RELL1: variants seen among roughly 807,000 people sequenced by gnomAD.
The protein encoded by RELL1 is RELT like 1, also known as RELT-like protein 1.
A neutral mutation model predicts 23.0 loss-of-function variants in RELL1; 10 were observed. The observed-to-expected ratio is 0.43, with a 90% CI of 0.27 to 0.74. RELL1 has a LOEUF of 0.74. Among genes scored for constraint, RELL1 ranks in the 30% least tolerant of loss-of-function variants. The probability of loss-of-function intolerance (pLI) is 0.19; values close to 1 mark genes in which losing one functional copy is unlikely to be tolerated. For missense variants in RELL1, 315 were observed against 364.4 expected, an observed-to-expected ratio of 0.86 and a Z score of 1.10; for synonymous variants, 146 against 146.8, an observed-to-expected ratio of 0.99 and a Z score of 0.04.
chr4:37,669,051 A>G (rs1577604526), intron 1 of RELL1, among the ~76,000 whole-genome samples: 1 of 101,682 alleles, frequency 9.8e-6, no homozygotes, highest in Non-Finnish European at 1.8e-5. Context: ...TCCGGGAGGG[A>G]GGTGGGGGGG....
intron 1 of RELL1, among the ~76,000 whole-genome samples, chr4:37,666,176 G>A (rs143245098): frequency 6.6e-6 from 1 of 152,174 alleles, no homozygotes; most frequent in African/African-American, 2.4e-5. Context: ...TGAGATAGGT[G>A]TTAATATTAA....
At chr4:37,592,078 GGCGCCTGTAATCCCA>G (rs1232497047) in intron 6 of RELL1, among the ~76,000 whole-genome samples, 1 of 151,808 alleles carries the variant, frequency 6.6e-6, no homozygotes, top group African/African-American at 2.4e-5. Context: ...CACGGTGGCG[GGCGCCTGTAATCCCA>G]GCTACTTGGG....
intron 1 of RELL1, among the ~76,000 whole-genome samples, chr4:37,677,008 A>G (rs1340691507): frequency 1.3e-5 from 2 of 152,162 alleles, no homozygotes; most frequent in Non-Finnish European, 2.9e-5. Context: ...AGGACACCGA[A>G]CCTTTCTGGG....
At chr4:37,642,040 C>A (rs1331378539) in intron 3 of RELL1, among the ~76,000 whole-genome samples, 1 of 152,160 alleles carries the variant, frequency 6.6e-6, no homozygotes, top group African/African-American at 2.4e-5. Flanking sequence ...AGGGTGGGTG[C>A]TTTTAACCCT....
intron 1 of RELL1, among the ~76,000 whole-genome samples, chr4:37,683,436 C>A (rs989226092): frequency 6.6e-6 from 1 of 152,170 alleles, no homozygotes; most frequent in African/African-American, 2.4e-5. Flanking sequence ...GTAAGTATTT[C>A]ACAGGGTTAT....
At chr4:37,614,756 A>G (rs573293098) in intron 6 of RELL1, among the ~76,000 whole-genome samples, 18 of 152,188 alleles carry the variant, frequency 1.2e-4, no homozygotes, top group Middle Eastern at 3.4e-3. Flanking sequence ...CAGGTATGGT[A>G]TTCCACTGTT....
At chr4:37,653,364 CTCAATAT>C (rs11277593) in intron 1 of RELL1, among the ~76,000 whole-genome samples, 17,193 of 48,534 alleles carry the variant, frequency 0.35, 1,608 homozygotes, top group East Asian at 0.48. Flanking sequence ...GTATTGAAAC[CTCAATAT>C]TCAATACAAG....
intron 1 of RELL1, among the ~76,000 whole-genome samples, chr4:37,685,768 G>A (rs1013724347): frequency 3.3e-5 from 5 of 152,386 alleles, no homozygotes; most frequent in African/African-American, 1.2e-4. Flanking sequence ...GTATTTAAAA[G>A]GGAGAAGGAG....
downstream of RELL1, among the ~76,000 whole-genome samples, chr4:37,605,739 CAAGA>C (rs1296377082): frequency 1.8e-5 from 2 of 110,816 alleles, no homozygotes; most frequent in Non-Finnish European, 3.5e-5. Flanking sequence ...GAGACTTTGT[CAAGA>C]AAGAAAGAAA....
chr4:37,664,880 C>T (rs571842286), intron 1 of RELL1, among the ~76,000 whole-genome samples: 7 of 152,184 alleles, frequency 4.6e-5, no homozygotes, highest in Non-Finnish European at 1.0e-4. Flanking sequence ...ACTACAACAG[C>T]GCACCACTCA....
At chr4:37,668,377 G>A (rs532156895) in intron 1 of RELL1, among the ~76,000 whole-genome samples, 5 of 152,286 alleles carry the variant, frequency 3.3e-5, no homozygotes, top group South Asian at 2.1e-4. Flanking sequence ...CGCCACGCCT[G>A]ACTGGTTTTC....
intron 6 of RELL1, among the ~76,000 whole-genome samples, chr4:37,599,625 A>G (rs1377635788): frequency 1.3e-5 from 2 of 152,190 alleles, no homozygotes; most frequent in Non-Finnish European, 2.9e-5. Context: ...TTTTGGTGAC[A>G]AGGAAGTGGG....
chr4:37,661,290 T>C (rs1367889357), intron 1 of RELL1, among the ~76,000 whole-genome samples: 1 of 151,950 alleles, frequency 6.6e-6, no homozygotes, highest in African/African-American at 2.4e-5. Context: ...TGTTTGTTTG[T>C]TTGTTTTTTG....
intron 1 of RELL1, among the ~76,000 whole-genome samples, chr4:37,654,578 T>C (rs1721059377): frequency 6.6e-6 from 1 of 152,246 alleles, no homozygotes; most frequent in African/African-American, 2.4e-5. Context: ...GTATCCCTTC[T>C]TCTCCTTCAC....
In RELL1 at chr4:37,670,020, C is replaced by T. The variant is rs944343035; in HGVS notation, c.88+16180G>A. Among the ~76,000 whole-genome samples, 71 of 147,212 alleles carry T rather than the reference C, an allele frequency of 4.8e-4. 1 individual carries two copies. Among genetic ancestry groups the T allele is most frequent in the African/African-American group, 1.5e-3 (61 of 39,706 alleles). ...CCAAATCCCCCTCTGCGAGAAACAC[C>T]CAAGAATGATCAATAAAAAAATAAA... On this transcript the variant is annotated intron_variant, in intron 1 of 6. Transcript: ENST00000454158.
At chr4:37,610,362 A>G (rs1338425493), downstream of RELL1, among the ~76,000 whole-genome samples, 3 of 152,222 alleles carry the variant, frequency 2.0e-5, no homozygotes, top group Non-Finnish European at 4.4e-5. This position sits in a 1 kb window ranked among gnomAD's most constrained non-coding sequence, Gnocchi z 4.1. Flanking sequence ...GTGGGAAACC[A>G]AAAAGCTCAT....
rs978165271 is a variant in RELL1, at chr4:37,612,636, C to CAAAAAAAAAAAAAAAAAA, written c.*692_*709dup. On this transcript the variant is annotated 3_prime_UTR_variant, in exon 7 of 7. Coordinates refer to ENST00000454158, the MANE Select transcript of RELL1 (RefSeq NM_001085400.2). ...TAGGGGACACAGCGAGACTCTGCCT[C>CAAAAAAAAAAAAAAAAAA]AAAAAAAAAAAAAAAAAAACCTTCT... 2.8e-4 allele frequency among the ~76,000 whole-genome samples: 17 copies of CAAAAAAAAAAAAAAAAAA among 60,168 alleles called. No homozygotes were observed. The highest frequency in any genetic ancestry group is 9.4e-4 in the African/African-American group (17 of 18,006). 39.5% of individuals were successfully genotyped at this position (60,168 alleles called of 152,430 possible). A position where few individuals can be genotyped will look rare whatever the true frequency, so the allele number is the denominator to read the frequency against.
chr4:37,652,722 C>A (rs2109287353), intron 1 of RELL1, among the ~76,000 whole-genome samples: 1 of 152,214 alleles, frequency 6.6e-6, no homozygotes, highest in African/African-American at 2.4e-5. Context: ...ATGTGGCAAC[C>A]CCTAACAAAC....
intron 6 of RELL1, among the ~76,000 whole-genome samples, chr4:37,592,965 G>A (rs1174697639): frequency 1.3e-5 from 2 of 152,164 alleles, no homozygotes; most frequent in Non-Finnish European, 2.9e-5. Context: ...TGATTTCTGA[G>A]CCTTCCAGCA....
Sources: gnomAD v4.1 joint callset for allele counts (sites outside exome capture counted in the v4.1 genomes callset) on GRCh38, gnomAD v4.1.1 for gene constraint, Gnocchi (gnomAD v3.1) non-coding constraint, MANE v1.5 for transcripts, NCBI Gene and HGNC (gene_info 2026-07-23, HGNC 2026-07-21) for gene names.